The following NCAM1 variants were observed in gnomAD, a reference collection of about 807,000 sequenced individuals.
NCAM1 encodes the protein neural cell adhesion molecule 1.
NCAM1 carries 14 observed loss-of-function variants against 109.8 expected under a neutral mutation model. The ratio of observed to expected loss-of-function variants is 0.13; its 90% CI spans 0.08 to 0.20. The LOEUF (loss-of-function observed/expected upper bound fraction) is 0.20, where lower values mean the gene tolerates loss of function less well. NCAM1 is among the 10% of genes least tolerant of loss of function. NCAM1 has a pLI of 1.00. For missense variants in NCAM1, 774 were observed against 1,109.9 expected, an observed-to-expected ratio of 0.70 and a Z score of 4.30; for synonymous variants, 418 against 442.9, an observed-to-expected ratio of 0.94 and a Z score of 0.70.
At chr11:113,022,977 C>T (rs1227330472) in intron 1 of NCAM1, among the ~76,000 whole-genome samples, 1 of 152,160 alleles carries the variant, frequency 6.6e-6, no homozygotes, top group Admixed American at 6.5e-5. Context: ...AACTTGGTCA[C>T]CTTACCACAC....
In NCAM1 at chr11:113,277,858, A is replaced by T. The variant is rs1305446988; in HGVS notation, c.*2471A>T. 3.3e-5 allele frequency: 5 copies of T among 150,428 alleles called. No individual in the cohort carries two copies. Among genetic ancestry groups the T allele is most frequent in the African/African-American group, 7.3e-5 (3 of 41,000 alleles). The allele number at this position is 150,428 out of a possible 1,614,324, so 9.3% of individuals were successfully genotyped here. A position where few individuals can be genotyped will look rare whatever the true frequency, so the allele number is the denominator to read the frequency against. On this transcript the variant is annotated 3_prime_UTR_variant, in exon 20 of 20. Transcript: ENST00000316851. ...GCAAGAGTTTTTCCTTTAAAAAAAA[A>T]AAAAAAAAAAAAAAAAAAGCAATGC...
intron 1 of NCAM1, among the ~76,000 whole-genome samples, chr11:113,078,808 T>C (rs1339587551): frequency 6.6e-6 from 1 of 152,170 alleles, no homozygotes; most frequent in African/African-American, 2.4e-5. Flanking sequence ...GATCATCCAA[T>C]CTTCTAGGCT....
chr11:113,086,019 G>A (rs1358043393), intron 1 of NCAM1, among the ~76,000 whole-genome samples: 1 of 152,194 alleles, frequency 6.6e-6, no homozygotes, highest in Non-Finnish European at 1.5e-5. Flanking sequence ...AATAATAGCA[G>A]TAATGCTATA....
At chr11:113,115,156 T>C (rs1555094596) in intron 1 of NCAM1, among the ~76,000 whole-genome samples, 1 of 152,208 alleles carries the variant, frequency 6.6e-6, no homozygotes, top group African/African-American at 2.4e-5. Flanking sequence ...GCTGTTACTT[T>C]AGCACTTTAC....
At chr11:113,023,933 A>AG (rs1952466237) in intron 1 of NCAM1, among the ~76,000 whole-genome samples, 1 of 152,164 alleles carries the variant, frequency 6.6e-6, no homozygotes, top group African/African-American at 2.4e-5. Context: ...GGAAAAAAAA[A>AG]TGGTAAATCA....
intron 1 of NCAM1, among the ~76,000 whole-genome samples, chr11:113,174,610 A>T (rs1003174221): frequency 6.6e-6 from 1 of 152,228 alleles, no homozygotes; most frequent in Non-Finnish European, 1.5e-5. Context: ...TACCTGGCTC[A>T]TCTGACCACC....
At chr11:112,971,465 C>A (rs1180030138) in intron 1 of NCAM1, among the ~76,000 whole-genome samples, 3 of 152,026 alleles carry the variant, frequency 2.0e-5, no homozygotes, top group Non-Finnish European at 4.4e-5. Context: ...GAAGAAATGA[C>A]AGCAAAGTTA....
chr11:113,187,833 T>C (rs1366609175), intron 1 of NCAM1, among the ~76,000 whole-genome samples: 1 of 152,202 alleles, frequency 6.6e-6, no homozygotes, highest in Non-Finnish European at 1.5e-5. Context: ...CCATTTATTC[T>C]GGCAACTCTG....
chr11:113,070,462 T>A (rs17592124), intron 1 of NCAM1, among the ~76,000 whole-genome samples: 2,446 of 152,164 alleles, frequency 0.016, 34 homozygotes, highest in South Asian at 0.033. Context: ...AGAGCTGCTA[T>A]TTATTTTAAA....
chr11:113,243,168 C>T (rs1348533370), intron 14 of NCAM1, among the ~76,000 whole-genome samples: 3 of 152,330 alleles, frequency 2.0e-5, no homozygotes, highest in South Asian at 2.1e-4. Context: ...ATCTCCTTCC[C>T]GGCTTTCGCT....
intron 1 of NCAM1, among the ~76,000 whole-genome samples, chr11:113,164,605 T>TA (rs1942719115): frequency 1.3e-5 from 2 of 152,318 alleles, no homozygotes; most frequent in South Asian, 4.1e-4. Context: ...TGATTCATGA[T>TA]AAAGGATAAG....
chr11:113,147,125 G>A (rs1042909053), intron 1 of NCAM1, among the ~76,000 whole-genome samples: 1 of 152,130 alleles, frequency 6.6e-6, no homozygotes, highest in Non-Finnish European at 1.5e-5. Flanking sequence ...TCAGGAAAAG[G>A]CCTACAAAAC....
intron 1 of NCAM1, among the ~76,000 whole-genome samples, chr11:113,153,470 G>GAA (rs1446780604): frequency 1.3e-5 from 2 of 150,520 alleles, no homozygotes; most frequent in Non-Finnish European, 3.0e-5. Flanking sequence ...GAGAGAGAGA[G>GAA]AGAGAGTGTG....
chr11:113,007,861 T>C (rs1006586274), intron 1 of NCAM1, among the ~76,000 whole-genome samples: 10 of 152,220 alleles, frequency 6.6e-5, no homozygotes, highest in Admixed American at 6.5e-5. Flanking sequence ...AGTTGGATTC[T>C]GAATGTGAAG....
At chr11:113,156,919 G>A (rs17595156) in intron 1 of NCAM1, among the ~76,000 whole-genome samples, 11,844 of 152,134 alleles carry the variant, frequency 0.078, 572 homozygotes, top group Non-Finnish European at 0.1. Flanking sequence ...AGATGCTTTA[G>A]GGAATGGAAA....
rs1206349629 is a variant in NCAM1, at chr11:113,233,686, G to A, written c.1693+369G>A. On this transcript the variant is annotated intron_variant, in intron 13 of 19. Coordinates refer to ENST00000316851, the MANE Select transcript of NCAM1 (RefSeq NM_181351.5). This position sits in a 1 kb window ranked among gnomAD's most constrained non-coding sequence, Gnocchi z 4.5. ...TTACCTGTGCTGCAGGTTCTCTGCCGACACCCGGCCAGTCCTGCTTGGATA... is the reference window on the plus strand; with the variant it reads ...TTACCTGTGCTGCAGGTTCTCTGCCAACACCCGGCCAGTCCTGCTTGGATA... 4.6e-5 allele frequency among the ~76,000 whole-genome samples: 7 copies of A among 152,170 alleles called. No homozygotes were observed. The highest frequency in any genetic ancestry group is 6.5e-5 in the Admixed American group (1 of 15,278).
At chr11:113,176,740 GT>G (rs1255984828) in intron 1 of NCAM1, among the ~76,000 whole-genome samples, 1 of 151,998 alleles carries the variant, frequency 6.6e-6, no homozygotes, top group African/African-American at 2.4e-5. Flanking sequence ...TTTAATTTAT[GT>G]GGTTTTTTTT....
intron 1 of NCAM1, among the ~76,000 whole-genome samples, chr11:113,131,381 A>G (rs1941374838): frequency 6.6e-6 from 1 of 152,044 alleles, no homozygotes; most frequent in African/African-American, 2.4e-5. Context: ...GTGCCTCCTC[A>G]CTGGGCTTCC....
chr11:113,020,537 TAAAG>T (rs1952351628), intron 1 of NCAM1, among the ~76,000 whole-genome samples: 1 of 152,208 alleles, frequency 6.6e-6, no homozygotes, highest in Non-Finnish European at 1.5e-5. Flanking sequence ...TTAGAGGCTA[TAAAG>T]ATTTTTCAAT....
Sources: gnomAD v4.1 joint callset for allele counts (sites outside exome capture counted in the v4.1 genomes callset) on GRCh38, gnomAD v4.1.1 for gene constraint, Gnocchi (gnomAD v3.1) non-coding constraint, MANE v1.5 for transcripts, NCBI Gene and HGNC (gene_info 2026-07-23, HGNC 2026-07-21) for gene names.